FTCDNL1: variants seen among roughly 807,000 people sequenced by gnomAD.
FTCDNL1 encodes formiminotransferase N-terminal subdomain-containing protein.
FTCDNL1 carries 11 observed loss-of-function variants against 5.9 expected under a neutral mutation model. That is an observed-to-expected ratio of 1.87 (90% CI 1.18 to 3.10). FTCDNL1 has a LOEUF of 3.10. FTCDNL1 is among the 30% of genes most tolerant of loss of function. The probability of loss-of-function intolerance (pLI) is 0.00; values close to 1 mark genes in which losing one functional copy is unlikely to be tolerated. For synonymous variants in FTCDNL1, 58 were observed against 24.8 expected, an observed-to-expected ratio of 2.34 and a Z score of -3.99; for missense variants, 115 against 65.5, an observed-to-expected ratio of 1.76 and a Z score of -2.61.
the FTCDNL1 span, among the ~76,000 whole-genome samples, chr2:199,666,443 C>T: frequency 3.3e-5 from 5 of 152,286 alleles, no homozygotes; most frequent in Non-Finnish European, 7.4e-5. Flanking sequence ...GCCCATGTTA[C>T]GCATACATGT....
intron 3 of FTCDNL1, among the ~76,000 whole-genome samples, chr2:199,793,989 G>A (rs574295334): frequency 5.6e-4 from 86 of 152,288 alleles, no homozygotes; most frequent in African/African-American, 1.8e-3. Flanking sequence ...AATTATCCCA[G>A]CTGAAGATCA....
chr2:199,672,035 AGAT>A, the FTCDNL1 span, among the ~76,000 whole-genome samples: 30 of 152,282 alleles, frequency 2.0e-4, no homozygotes, highest in East Asian at 4.4e-3. Context: ...GTCACAGAAA[AGAT>A]GATATGCTAT....
rs1700950324 is a variant in FTCDNL1 at position 199,810,082 on chromosome 2, G to A, written c.*2623C>T. Among the ~76,000 whole-genome samples the A allele has an allele frequency of 6.6e-6, 1 of 151,780 alleles. No individual in the cohort carries two copies. The highest frequency in any genetic ancestry group is 2.1e-4 in the South Asian group (1 of 4,794). On this transcript the variant is annotated 3_prime_UTR_variant, in exon 5 of 5. Transcript: ENST00000420128. ...GCTCGAACTTTCCAAAATACCAACAGAGAAAGAAAAGCACGGTTAAGAGCT... is the reference window on the plus strand; with the variant it reads ...GCTCGAACTTTCCAAAATACCAACAAAGAAAGAAAAGCACGGTTAAGAGCT...
the FTCDNL1 span, among the ~76,000 whole-genome samples, chr2:199,749,933 G>A: frequency 5.3e-5 from 8 of 151,488 alleles, no homozygotes; most frequent in South Asian, 1.7e-3. Flanking sequence ...ACATCACAGC[G>A]ATGGACACCC....
chr2:199,668,518 C>G, the FTCDNL1 span, among the ~76,000 whole-genome samples: 1 of 152,016 alleles, frequency 6.6e-6, no homozygotes, highest in African/African-American at 2.4e-5. Context: ...GAGCTGAGAT[C>G]TACCCTCAGA....
chr2:199,691,252 A>G, the FTCDNL1 span, among the ~76,000 whole-genome samples: 7 of 152,194 alleles, frequency 4.6e-5, no homozygotes, highest in African/African-American at 1.7e-4. Flanking sequence ...GGCTCACTGC[A>G]ACCTCCGCCT....
At chr2:199,715,591 C>T in the FTCDNL1 span, among the ~76,000 whole-genome samples, 1 of 152,130 alleles carries the variant, frequency 6.6e-6, no homozygotes, top group East Asian at 1.9e-4. Flanking sequence ...TACCCAGTCT[C>T]GGGTATTTCT....
At chr2:199,741,030 C>G in the FTCDNL1 span, among the ~76,000 whole-genome samples, 1 of 152,214 alleles carries the variant, frequency 6.6e-6, no homozygotes, top group Non-Finnish European at 1.5e-5. Flanking sequence ...TCTATCAACA[C>G]AACTCCCTGA....
chr2:199,742,677 GAGGAAATCAGGCACAT>G, the FTCDNL1 span, among the ~76,000 whole-genome samples: 27 of 152,214 alleles, frequency 1.8e-4, no homozygotes, highest in African/African-American at 5.8e-4. Flanking sequence ...TCTTACAGAT[GAGGAAATCAGGCACAT>G]AGAAATGAAG....
chr2:199,778,762 T>C lies in FTCDNL1; in HGVS notation c.212-17927A>G, dbSNP rs76150676. Among the ~76,000 whole-genome samples, 221 of 152,306 alleles carry C rather than the reference T, an allele frequency of 1.5e-3. 1 individual carries two copies. Among genetic ancestry groups the C allele is most frequent in the African/African-American group, 5.1e-3 (211 of 41,558 alleles). ...CCAAGAGAATGTGGTTCTCAGGATA[T>C]TTTTTCCCTTTGTGGCTGAAAATAA... On this transcript the variant is annotated intron_variant, in intron 3 of 3. Coordinates refer to the FTCDNL1 transcript ENST00000416668.
At chr2:199,700,861 T>A in the FTCDNL1 span, among the ~76,000 whole-genome samples, 1 of 151,998 alleles carries the variant, frequency 6.6e-6, no homozygotes, top group Non-Finnish European at 1.5e-5. Context: ...CTGGAACCCT[T>A]CCTTTCACCA....
At chr2:199,686,416 A>T in the FTCDNL1 span, among the ~76,000 whole-genome samples, 1 of 152,222 alleles carries the variant, frequency 6.6e-6, no homozygotes, top group African/African-American at 2.4e-5. Flanking sequence ...TATATTTTAG[A>T]TATAAAAATT....
Position 199,811,773 on chromosome 2 carries a change from A to G in FTCDNL1, c.*932T>C, listed in dbSNP as rs1701051187. Among the ~76,000 whole-genome samples, 1 of 152,146 alleles carries G rather than the reference A, an allele frequency of 6.6e-6. No individual in the cohort carries two copies. Among genetic ancestry groups the G allele is most frequent in the South Asian group, 2.1e-4 (1 of 4,820 alleles). On this transcript the variant is annotated 3_prime_UTR_variant, in exon 5 of 5. Transcript: ENST00000420128. ...TCTAATAACTTCCCCCTGTTAGTAG[A>G]ATTTCCAAAGTTGATCATTCTTGCT...
At chr2:199,771,561 C>T (rs903858107) in intron 3 of FTCDNL1, among the ~76,000 whole-genome samples, 8 of 152,174 alleles carry the variant, frequency 5.3e-5, no homozygotes, top group Admixed American at 2.0e-4. Context: ...GTTTAAGACT[C>T]TCAGCCTCAT....
the FTCDNL1 span, among the ~76,000 whole-genome samples, chr2:199,733,723 G>T: frequency 6.6e-6 from 1 of 152,116 alleles, no homozygotes; most frequent in Non-Finnish European, 1.5e-5. Flanking sequence ...AATGTGGTCC[G>T]CAGATCTGTG....
intron 3 of FTCDNL1, among the ~76,000 whole-genome samples, chr2:199,765,556 A>ATATATTTTT: frequency 2.3e-4 from 10 of 42,656 alleles, no homozygotes; most frequent in African/African-American, 4.5e-4. Context: ...ATATATATAT[A>ATATATTTTT]TTTTTTTTTT....
chr2:199,697,467 G>A, the FTCDNL1 span, among the ~76,000 whole-genome samples: 2 of 152,090 alleles, frequency 1.3e-5, no homozygotes, highest in South Asian at 4.2e-4. Flanking sequence ...GAGGTTGGGG[G>A]TCCACATTCA....
At chr2:199,771,429 T>C (rs935290289) in intron 3 of FTCDNL1, among the ~76,000 whole-genome samples, 1 of 152,210 alleles carries the variant, frequency 6.6e-6, no homozygotes, top group Non-Finnish European at 1.5e-5. Context: ...GTGCATTAGC[T>C]GCTGATTTAA....
At chr2:199,691,000 C>G in the FTCDNL1 span, among the ~76,000 whole-genome samples, 1 of 151,938 alleles carries the variant, frequency 6.6e-6, no homozygotes, top group Non-Finnish European at 1.5e-5. Context: ...TAAAATGACC[C>G]ACATATACAA....
Sources: gnomAD v4.1 joint callset for allele counts (sites outside exome capture counted in the v4.1 genomes callset) on GRCh38, gnomAD v4.1.1 for gene constraint, MANE v1.5 for transcripts, NCBI Gene and HGNC (gene_info 2026-07-23, HGNC 2026-07-21) for gene names.